PTPRJ: variants seen among roughly 807,000 people sequenced by gnomAD.
The protein encoded by PTPRJ is receptor-type tyrosine-protein phosphatase eta.
In PTPRJ, 129 loss-of-function variants were observed where a neutral mutation model predicts 141.3. The ratio of observed to expected loss-of-function variants is 0.91; its 90% CI spans 0.79 to 1.06. PTPRJ has a LOEUF of 1.06. Ranked by LOEUF, PTPRJ falls within the 50% of genes least tolerant of loss-of-function variation. The pLI, the probability that PTPRJ is intolerant of heterozygous loss-of-function variation, is 0.00. For synonymous variants in PTPRJ, 610 were observed against 640.5 expected (o/e 0.95, Z 0.72); for missense variants, 1,601 against 1,679.7 (o/e 0.95, Z 0.82).
At chr11:48,021,150 G>A (rs1855108420) in intron 1 of PTPRJ, among the ~76,000 whole-genome samples, 1 of 152,122 alleles carries the variant, frequency 6.6e-6, no homozygotes, top group South Asian at 2.1e-4. Context: ...GAGATGGGTG[G>A]ATCACCTGAG....
In PTPRJ at chr11:48,127,887, A is replaced by G. The variant is rs745818876; in HGVS notation, c.1201A>G (p.Ile401Val). Residue 401 changes from isoleucine (I) to valine (V), a missense_variant, in exon 7 of 25, where the codon ATA becomes GTA. By Grantham distance (29) the Ile-to-Val change is conservative. Transcript: ENST00000418331. ...NESSSNYTYKIHVAGETDSSN... is the reference protein window; with the variant it reads ...NESSSNYTYKVHVAGETDSSN... ...GTCGTCATCTAACTATACCTACAAG[A>G]TACATGTGGCGGGGGAGACAGATTC... The G allele has an allele frequency of 1.9e-6, 3 of 1,614,066 alleles. No homozygotes were observed. In the African/African-American group the frequency reaches 4.0e-5, roughly 22 times the overall value.
intron 1 of PTPRJ, among the ~76,000 whole-genome samples, chr11:48,034,701 G>A (rs1449398080): frequency 6.6e-6 from 1 of 152,144 alleles, no homozygotes; most frequent in African/African-American, 2.4e-5. Context: ...AGTTAAATAA[G>A]GTCACCCAAC....
chr11:48,084,545 T>C (rs377260318), intron 1 of PTPRJ, among the ~76,000 whole-genome samples: 2 of 152,064 alleles, frequency 1.3e-5, no homozygotes, highest in Non-Finnish European at 2.9e-5. Flanking sequence ...AGGGGGCGGG[T>C]CAAACTTGCT....
chr11:47,988,743 G>A (rs945921110), intron 1 of PTPRJ, among the ~76,000 whole-genome samples: 4 of 152,060 alleles, frequency 2.6e-5, no homozygotes, highest in African/African-American at 7.3e-5. Flanking sequence ...GCTGTTGTCA[G>A]GTTGTCCTCC....
At chr11:48,022,600 G>A (rs186896375) in intron 1 of PTPRJ, among the ~76,000 whole-genome samples, 145 of 152,202 alleles carry the variant, frequency 9.5e-4, no homozygotes, top group Non-Finnish European at 1.6e-3. Context: ...CCTTTCCCCT[G>A]GGGTGCTGAT....
rs1019436553 is a variant in PTPRJ, at chr11:48,123,769, A to G, written c.773A>G (p.Asn258Ser). Residue 258 changes from asparagine to serine, a missense_variant, in exon 5 of 25, where the codon AAT becomes AGT. Physicochemically the swap from Asn to Ser is conservative, Grantham distance 46. Transcript: ENST00000418331. ...ACTCAAGACTCAAGACTTCAGGTCA[A>G]TATCTCGGGCCTGAAGCCAGGGGTT... Reference protein sequence around the residue: ...ELTQDSRLQVNISGLKPGVQY... With the variant: ...ELTQDSRLQVSISGLKPGVQY... 1.5e-5 allele frequency: 24 copies of G among 1,613,992 alleles called. 1 individual carries two copies. The highest frequency in any genetic ancestry group is 2.7e-5 in the African/African-American group (2 of 74,896).
chr11:48,090,362 C>A (rs1855835881), intron 1 of PTPRJ, among the ~76,000 whole-genome samples: 2 of 152,192 alleles, frequency 1.3e-5, no homozygotes, highest in Admixed American at 1.3e-4. Flanking sequence ...CCCTCCCAGA[C>A]CCCCAGCTCA....
chr11:48,001,349 A>AGTGTGTGTGT (rs57503257), intron 1 of PTPRJ, among the ~76,000 whole-genome samples: 1,641 of 134,714 alleles, frequency 0.012, 15 homozygotes, highest in Middle Eastern at 0.039. Flanking sequence ...ACAGCCCCAA[A>AGTGTGTGTGT]GTGTGTGTGT....
At chr11:48,135,888 G>T (rs774090110) in intron 8 of PTPRJ, 151 bp from the exon 9 acceptor site, 20 of 824,518 alleles carry the variant, frequency 2.4e-5, no homozygotes, top group African/African-American at 5.1e-5. Context: ...CTGAGTGTGT[G>T]CATTTCTCAG....
chr11:48,123,998 A>AT (rs920133182), intron 5 of PTPRJ, 128 bp downstream of exon 5: 5 of 1,139,960 alleles, frequency 4.4e-6, no homozygotes, highest in Non-Finnish European at 4.9e-6. Flanking sequence ...TTTCCTCCAC[A>AT]TTTTAGTTTG....
At position 48,123,862 on chromosome 11, in the gene PTPRJ, G is replaced by T. The variant is rs142213091; in HGVS notation, c.866G>T (p.Gly289Val). ...KTKGDPLGTEGGLDASNTERS... is the reference protein window; with the variant it reads ...KTKGDPLGTEVGLDASNTERS... Reference sequence around the variant, plus strand: ...AAGGGAGACCCCTTGGGCACAGAAGGTGGCTTGGGTGAGTTACAAAGGGTA... The same window carrying T: ...AAGGGAGACCCCTTGGGCACAGAAGTTGGCTTGGGTGAGTTACAAAGGGTA... Residue 289 changes from glycine (G) to valine (V), a missense_variant, in exon 5 of 25, where the codon GGT becomes GTT. Transcript: ENST00000418331. The T allele has an allele frequency of 1.9e-6, 3 of 1,613,520 alleles. No individual in the cohort carries two copies. The African/African-American group carries it at 4.0e-5, about 22-fold the overall frequency.
intron 3 of PTPRJ, among the ~76,000 whole-genome samples, chr11:48,115,179 G>T (rs1433455026): frequency 6.6e-6 from 1 of 152,158 alleles, no homozygotes; most frequent in African/African-American, 2.4e-5. Flanking sequence ...CCTGGAGAAA[G>T]ATATAAATAT....
chr11:48,040,635 G>T (rs1202928738), intron 1 of PTPRJ, among the ~76,000 whole-genome samples: 1 of 143,936 alleles, frequency 6.9e-6, no homozygotes, highest in East Asian at 2.0e-4. Context: ...TTTTGAGACG[G>T]AGTCTTTCCA....
rs561077699 is a variant in PTPRJ, at chr11:48,023,610, C to T, written c.96+42602C>T. Among the ~76,000 whole-genome samples, 14 of 151,944 alleles carry T rather than the reference C, an allele frequency of 9.2e-5. No individual in the cohort carries two copies. The East Asian group carries it at 1.7e-3, about 19-fold the overall frequency. On this transcript the variant is annotated intron_variant, in intron 1 of 24. Coordinates refer to ENST00000418331, the MANE Select transcript of PTPRJ (RefSeq NM_002843.4). The stretch of plus-strand genomic sequence containing the variant: ...CACCCTAGCCAATATGGTGAAACCC[C>T]GTCTCTACTAAAAATACAAAAATTA...
rs1427467778 is a variant in PTPRJ, at chr11:48,016,058, A to G, written c.96+35050A>G. On this transcript the variant is annotated intron_variant, in intron 1 of 24. Coordinates refer to ENST00000418331, the MANE Select transcript of PTPRJ (RefSeq NM_002843.4). ...CCAGGTCTGTTTGGCTTTTGCAGCC[A>G]TTGTGTTATGGGTTCCAGTGGAAGC... Among the ~76,000 whole-genome samples the G allele has an allele frequency of 9.9e-5, 15 of 151,904 alleles. 1 individual carries two copies. The highest frequency in any genetic ancestry group is 1.9e-4 in the Non-Finnish European group (13 of 67,974).
chr11:48,036,789 T>A (rs1033449356), intron 1 of PTPRJ, among the ~76,000 whole-genome samples: 2 of 152,224 alleles, frequency 1.3e-5, no homozygotes, highest in Non-Finnish European at 2.9e-5. Context: ...CTGTCTTTTT[T>A]ACCTATCAGA....
chr11:48,102,929 G>T (rs1856185310), intron 1 of PTPRJ, among the ~76,000 whole-genome samples: 1 of 152,036 alleles, frequency 6.6e-6, no homozygotes. Flanking sequence ...AGGAGTCCAG[G>T]ATTTGTATTT....
chr11:48,097,762 C>G (rs1856049818), intron 1 of PTPRJ, among the ~76,000 whole-genome samples: 1 of 152,140 alleles, frequency 6.6e-6, no homozygotes, highest in African/African-American at 2.4e-5. Context: ...TAGTCTCAAA[C>G]TCCTGAGCTC....
intron 1 of PTPRJ, among the ~76,000 whole-genome samples, chr11:47,998,121 ATT>A (rs781616037): frequency 4.9e-5 from 7 of 143,034 alleles, no homozygotes; most frequent in Non-Finnish European, 3.1e-5. Flanking sequence ...TCAATCCTTG[ATT>A]TTTTTTTTTT....
Sources: gnomAD v4.1 joint callset for allele counts (sites outside exome capture counted in the v4.1 genomes callset) on GRCh38, gnomAD v4.1.1 for gene constraint, MANE v1.5 for transcripts, NCBI Gene and HGNC (gene_info 2026-07-23, HGNC 2026-07-21) for gene names.